Variants in FREM2 observed in about 807,000 individuals in gnomAD.
FREM2 encodes the protein FRAS1 related extracellular matrix 2, also known as FRAS1-related extracellular matrix protein 2.
In FREM2, 119 loss-of-function variants were observed where a neutral mutation model predicts 219.9. The ratio of observed to expected loss-of-function variants is 0.54; its 90% CI spans 0.47 to 0.63. The LOEUF (loss-of-function observed/expected upper bound fraction) is 0.63, where lower values mean the gene tolerates loss of function less well. FREM2 is among the 30% of genes least tolerant of loss of function. FREM2 has a pLI of 0.00. For missense variants in FREM2, 4,030 were observed against 3,993.6 expected (o/e 1.01, Z -0.25); for synonymous variants, 1,562 against 1,522.8 (o/e 1.03, Z -0.60).
chr13:38,781,393 C>G (rs752569694), intron 4 of FREM2, among the ~76,000 whole-genome samples: 58 of 152,224 alleles, frequency 3.8e-4, no homozygotes, highest in Non-Finnish European at 6.9e-4. Flanking sequence ...CACACCCTGT[C>G]CAGCCACAGC....
intron 4 of FREM2, among the ~76,000 whole-genome samples, chr13:38,774,638 A>T (rs1873802207): frequency 6.6e-6 from 1 of 152,192 alleles, no homozygotes; most frequent in African/African-American, 2.4e-5. Flanking sequence ...AAGCATATAG[A>T]TATTAGTTAA....
chr13:38,693,404 G>T (rs1003082285), intron 1 of FREM2, among the ~76,000 whole-genome samples: 2 of 152,238 alleles, frequency 1.3e-5, no homozygotes, highest in African/African-American at 4.8e-5. Context: ...TTAGGCAACA[G>T]GATTTTTCTA....
At chr13:38,747,770 G>T (rs1302988478) in intron 2 of FREM2, among the ~76,000 whole-genome samples, 2 of 152,116 alleles carry the variant, frequency 1.3e-5, no homozygotes, top group Non-Finnish European at 1.5e-5. Context: ...ACTGATCAGG[G>T]TGAGGAAAAA....
At chr13:38,821,183 CT>C (rs1182002667) in intron 6 of FREM2, among the ~76,000 whole-genome samples, 1 of 151,992 alleles carries the variant, frequency 6.6e-6, no homozygotes, top group African/African-American at 2.4e-5. Context: ...TTATGTTTTC[CT>C]TGAGAAATAG....
At position 38,883,838 on chromosome 13, in the gene FREM2, A is replaced by G. The variant is rs968361943; in HGVS notation, c.*3051A>G. The G allele has an allele frequency of 6.6e-5, 10 of 152,188 alleles. No homozygotes were observed. The highest frequency in any genetic ancestry group is 1.2e-4 in the Non-Finnish European group (8 of 68,026). 9.4% of individuals were successfully genotyped at this position (152,188 alleles called of 1,614,324 possible). ...CAGCAGACTCCACTCTTGTTTGTCT[A>G]AAAGAGCCCTACTGGGTATGGATCA... On this transcript the variant is annotated 3_prime_UTR_variant, in exon 24 of 24. Transcript: ENST00000280481.
At chr13:38,806,149 G>T (rs1238955639) in intron 6 of FREM2, among the ~76,000 whole-genome samples, 1 of 151,750 alleles carries the variant, frequency 6.6e-6, no homozygotes, top group African/African-American at 2.4e-5. Context: ...AAGTAGGAGG[G>T]TCCAGAGAAG....
intron 4 of FREM2, among the ~76,000 whole-genome samples, chr13:38,772,730 C>T (rs543353601): frequency 6.7e-6 from 1 of 149,332 alleles, no homozygotes; most frequent in Non-Finnish European, 1.5e-5. Flanking sequence ...GAGTTTCGCT[C>T]TCGCTGCCCA....
intron 6 of FREM2, among the ~76,000 whole-genome samples, chr13:38,796,703 A>G (rs1209612361): frequency 6.6e-6 from 1 of 152,210 alleles, no homozygotes; most frequent in Non-Finnish European, 1.5e-5. Flanking sequence ...TATATTTGCT[A>G]TTATAAATAG....
At chr13:38,831,638 C>A (rs1876513715) in intron 6 of FREM2, among the ~76,000 whole-genome samples, 1 of 137,694 alleles carries the variant, frequency 7.3e-6, no homozygotes, top group South Asian at 2.2e-4. Flanking sequence ...GAGATGGAGT[C>A]TTGCTCTGTC....
At chr13:38,749,738 C>T (rs953157431) in intron 2 of FREM2, among the ~76,000 whole-genome samples, 6 of 152,120 alleles carry the variant, frequency 3.9e-5, no homozygotes, top group Admixed American at 3.3e-4. Flanking sequence ...GCCAAACATT[C>T]CCCAAAGGGC....
At chr13:38,778,323 G>T (rs972413905) in intron 4 of FREM2, among the ~76,000 whole-genome samples, 2 of 152,088 alleles carry the variant, frequency 1.3e-5, no homozygotes, top group African/African-American at 4.8e-5. Context: ...TTTGGTTCCC[G>T]GTGAGGGGCC....
Position 38,885,830 on chromosome 13 carries a change from T to C in FREM2, c.*5043T>C, listed in dbSNP as rs1206273925. 1 of 152,210 alleles carries C rather than the reference T, an allele frequency of 6.6e-6. No homozygotes were observed. Among genetic ancestry groups the C allele is most frequent in the Non-Finnish European group, 1.5e-5 (1 of 68,010 alleles). 9.4% of individuals were successfully genotyped at this position (152,210 alleles called of 1,614,324 possible). A position where few individuals can be genotyped will look rare whatever the true frequency, so the allele number is the denominator to read the frequency against. ...TAAGATGTAAAAAAAATTACTTTGA[T>C]GGTTTAATTAAGAATAATAAGTCAA... On this transcript the variant is annotated 3_prime_UTR_variant, in exon 24 of 24. Transcript: ENST00000280481.
At chr13:38,738,701 C>CA (rs1282584767) in intron 2 of FREM2, among the ~76,000 whole-genome samples, 1 of 151,536 alleles carries the variant, frequency 6.6e-6, no homozygotes, top group Non-Finnish European at 1.5e-5. Flanking sequence ...GGTGCAGGGG[C>CA]ATGAGATTGG....
At position 38,875,230 on chromosome 13, in the gene FREM2, A is replaced by G. The variant is rs137950322; in HGVS notation, c.8281+644A>G. On this transcript the variant is annotated intron_variant, in intron 18 of 23. Transcript: ENST00000280481. ...TGACTCTCCATATTACCAGTTTAGT[A>G]ACATGGAGAGTCAAATAAAAAATAA... 5.0e-3 allele frequency among the ~76,000 whole-genome samples: 758 copies of G among 151,952 alleles called. 4 individuals are homozygous for G. The highest frequency in any genetic ancestry group is 0.017 in the African/African-American group (719 of 41,442).
At chr13:38,739,789 G>A (rs1593376833) in intron 2 of FREM2, among the ~76,000 whole-genome samples, 1 of 152,134 alleles carries the variant, frequency 6.6e-6, no homozygotes, top group Non-Finnish European at 1.5e-5. Context: ...GTATTGTTTG[G>A]TTATATAGTG....
chr13:38,767,718 T>C (rs1873496269), intron 3 of FREM2, among the ~76,000 whole-genome samples: 1 of 152,174 alleles, frequency 6.6e-6, no homozygotes, highest in Admixed American at 6.5e-5. Flanking sequence ...CAACCAACTC[T>C]GTGTGCACAA....
chr13:38,826,189 A>G (rs986082806), intron 6 of FREM2, among the ~76,000 whole-genome samples: 1 of 152,138 alleles, frequency 6.6e-6, no homozygotes, highest in African/African-American at 2.4e-5. Context: ...GTATCATATC[A>G]ACAGGAAAAA....
At chr13:38,782,004 G>A (rs1874136609) in intron 4 of FREM2, among the ~76,000 whole-genome samples, 1 of 152,304 alleles carries the variant, frequency 6.6e-6, no homozygotes, top group East Asian at 1.9e-4. Context: ...GTTCCTTCCT[G>A]TATTCCCCAT....
At chr13:38,730,396 G>C (rs537386834) in intron 2 of FREM2, among the ~76,000 whole-genome samples, 1 of 152,286 alleles carries the variant, frequency 6.6e-6, no homozygotes, top group East Asian at 1.9e-4. Context: ...GTAACATATG[G>C]AAGATGTACA....
Sources: allele counts gnomAD v4.1 joint callset (sites outside exome capture counted in the v4.1 genomes callset), GRCh38; gene constraint gnomAD v4.1.1; transcripts MANE v1.5; gene names NCBI Gene and HGNC (gene_info 2026-07-23, HGNC 2026-07-21).